Variants in DST observed in about 807,000 individuals in gnomAD.
DST encodes the protein dystonin, also known as bullous pemphigoid antigen.
DST carries 253 observed loss-of-function variants against 875.2 expected under a neutral mutation model. The ratio of observed to expected loss-of-function variants is 0.29; its 90% CI spans 0.26 to 0.32. DST has a LOEUF of 0.32. Among genes scored for constraint, DST ranks in the 10% least tolerant of loss-of-function variants. DST has a pLI of 1.00. For missense variants in DST, 8,287 were observed against 9,111.6 expected (o/e 0.91, Z 3.68); for synonymous variants, 3,124 against 3,197.1 (o/e 0.98, Z 0.77).
chr6:56,489,812 C>T lies in DST; in HGVS notation c.20758-203G>A, dbSNP rs552889274. On this transcript the variant is annotated intron_variant, in intron 85 of 103. Coordinates refer to ENST00000680361, the MANE Select transcript of DST (RefSeq NM_001374736.1). The stretch of plus-strand genomic sequence containing the variant: ...ATAATGCTTAGCATTTGTGGCTGTG[C>T]CCCACTGTCACTTTGTTTTAATTCA... Among the ~76,000 whole-genome samples, 3 of 152,240 alleles carry T rather than the reference C, an allele frequency of 2.0e-5. No individual in the cohort carries two copies. In the South Asian group the frequency reaches 6.2e-4, roughly 32 times the overall value.
At chr6:56,951,350 A>G (rs1822203336) in intron 2 of DST, among the ~76,000 whole-genome samples, 1 of 152,224 alleles carries the variant, frequency 6.6e-6, no homozygotes. Flanking sequence ...CTAAATTCTT[A>G]GTTCAATATG....
chr6:56,771,348 C>T (rs181539524), intron 4 of DST, among the ~76,000 whole-genome samples: 165 of 152,240 alleles, frequency 1.1e-3, no homozygotes, highest in African/African-American at 3.7e-3. Flanking sequence ...TAGTATGTGA[C>T]TAAAATTGTC....
intron 80 of DST, 121 bp downstream of exon 80, chr6:56,500,959 A>C: frequency 1.1e-6 from 1 of 916,530 alleles, no homozygotes; most frequent in South Asian, 2.2e-5. Flanking sequence ...TAAATGTCAA[A>C]TATGAACTTG....
At chr6:56,465,327 G>A (rs1392908898) in intron 99 of DST, among the ~76,000 whole-genome samples, 2 of 152,134 alleles carry the variant, frequency 1.3e-5, no homozygotes, top group Non-Finnish European at 2.9e-5. Context: ...ATTACAGTGA[G>A]CTCACAGGTA....
chr6:56,634,452 A>G lies in DST; in HGVS notation c.3494+10T>C. 1 of 1,613,978 alleles carries G rather than the reference A, an allele frequency of 6.2e-7. No homozygotes were observed. Among genetic ancestry groups the G allele is most frequent in the Non-Finnish European group, 8.5e-7 (1 of 1,179,874 alleles). The stretch of plus-strand genomic sequence containing the variant: ...AACTAGCTCAACATTTTTAGCTAAT[A>G]TATACAAACCTGTTGGCAAGGTCCA... On this transcript the variant is annotated intron_variant, in intron 26 of 103. Transcript: ENST00000680361.
intron 3 of DST, among the ~76,000 whole-genome samples, chr6:56,886,711 T>G (rs1174884040): frequency 2.7e-5 from 4 of 150,136 alleles, no homozygotes; most frequent in African/African-American, 9.8e-5. Context: ...GGAGGTGGAG[T>G]TTGCGGTGAG....
intron 55 of DST, among the ~76,000 whole-genome samples, chr6:56,567,105 G>C (rs2097692572): frequency 6.6e-6 from 1 of 152,140 alleles, no homozygotes. Context: ...CCATTGCTTA[G>C]CAAGTAGAAA....
chr6:56,555,886 T>A, intron 59 of DST, 46 bp from the exon 60 acceptor site: 1 of 1,411,294 alleles, frequency 7.1e-7, no homozygotes, highest in Non-Finnish European at 9.3e-7. Flanking sequence ...TATAATTGAT[T>A]GTAGAAAACA....
chr6:56,952,915 A>T (rs1211408470), intron 2 of DST, among the ~76,000 whole-genome samples: 1 of 152,218 alleles, frequency 6.6e-6, no homozygotes, highest in Non-Finnish European at 1.5e-5. Flanking sequence ...TAATACAGTT[A>T]AAGTTTTTAA....
chr6:56,527,347 C>G (rs957954053), intron 68 of DST, 146 bp downstream of exon 68: 1 of 981,998 alleles, frequency 1.0e-6, no homozygotes, highest in African/African-American at 1.6e-5. Flanking sequence ...AACAGTTGAT[C>G]TGCTGCCAAT....
At chr6:56,733,978 C>T (rs1183389582) in intron 5 of DST, among the ~76,000 whole-genome samples, 1 of 152,130 alleles carries the variant, frequency 6.6e-6, no homozygotes, top group African/African-American at 2.4e-5. Flanking sequence ...GGAACACGTC[C>T]CTAGCCTGAG....
chr6:56,524,512 G>C (rs1222636855), intron 69 of DST, among the ~76,000 whole-genome samples: 1 of 152,092 alleles, frequency 6.6e-6, no homozygotes, highest in African/African-American at 2.4e-5. Flanking sequence ...TTAAATTTTA[G>C]TTGCTACTCT....
intron 100 of DST, chr6:56,464,093 T>C (rs1184589970): frequency 2.5e-6 from 1 of 403,152 alleles, no homozygotes; most frequent in Non-Finnish European, 4.7e-6. Flanking sequence ...ATCCACCAGC[T>C]ACAGATGCCC....
In DST at chr6:56,515,498, G is replaced by T; in HGVS notation, c.18528C>A (p.Ala6176=). The T allele has an allele frequency of 6.2e-7, 1 of 1,613,896 alleles. No homozygotes were observed. Among genetic ancestry groups the T allele is most frequent in the Non-Finnish European group, 8.5e-7 (1 of 1,179,848 alleles). Residue 6176 remains alanine (A), a synonymous_variant, in exon 72 of 104, where the codon GCC becomes GCA. Transcript: ENST00000680361. The part of the protein sequence containing the change: ...ETQSIISQLP[A]PALEYETLRQ... ...TTAGAGTTTCATATTCAAGGGCTGGGGCGGGAAGCTGAGAGATGATTGATT... is the reference window on the plus strand; with the variant it reads ...TTAGAGTTTCATATTCAAGGGCTGGTGCGGGAAGCTGAGAGATGATTGATT...
chr6:56,884,053 T>C (rs77365755), intron 3 of DST, among the ~76,000 whole-genome samples: 6,022 of 152,062 alleles, frequency 0.04, 373 homozygotes, highest in African/African-American at 0.14. Context: ...ATTACCTGAG[T>C]TCAGGAGGTT....
At chr6:56,843,472 C>T in intron 4 of DST, 23 of 996,176 alleles carry the variant, frequency 2.3e-5, no homozygotes, top group Non-Finnish European at 2.6e-5. Context: ...AGCGGAGGAG[C>T]GGGGCGTGCG....
chr6:56,674,175 G>A (rs1039834297), intron 9 of DST, among the ~76,000 whole-genome samples: 3 of 152,082 alleles, frequency 2.0e-5, no homozygotes, highest in African/African-American at 4.8e-5. Flanking sequence ...TTCAAAACCC[G>A]GAGGCAATGT....
chr6:56,693,246 C>T (rs1292009448), intron 9 of DST: 1 of 1,202,150 alleles, frequency 8.3e-7, no homozygotes, highest in Non-Finnish European at 1.1e-6. Flanking sequence ...TCCACTCTGA[C>T]ATCTGTTCCA....
intron 4 of DST, among the ~76,000 whole-genome samples, chr6:56,833,425 ACTT>A (rs2099789778): frequency 6.6e-6 from 1 of 152,194 alleles, no homozygotes; most frequent in African/African-American, 2.4e-5. Context: ...TTCCAACTCT[ACTT>A]CTGATTACAT....
Sources: gnomAD v4.1 joint callset for allele counts (sites outside exome capture counted in the v4.1 genomes callset) on GRCh38, gnomAD v4.1.1 for gene constraint, MANE v1.5 for transcripts, NCBI Gene and HGNC (gene_info 2026-07-23, HGNC 2026-07-21) for gene names.